Variants in FMNL2 observed in about 807,000 individuals in gnomAD.
The protein encoded by FMNL2 is formin-like protein 2.
FMNL2 carries 51 observed loss-of-function variants against 130.2 expected under a neutral mutation model. The observed-to-expected ratio is 0.39, with a 90% confidence interval of 0.31 to 0.49. The LOEUF is 0.49. FMNL2 is among the 20% of genes least tolerant of loss of function. FMNL2 has a pLI of 0.85. For synonymous variants in FMNL2, 465 were observed against 467.1 expected, an observed-to-expected ratio of 1.00 and a Z score of 0.06; for missense variants, 977 against 1,316.2, an observed-to-expected ratio of 0.74 and a Z score of 3.99.
chr2:152,497,708 A>G (rs1579813600), intron 1 of FMNL2, among the ~76,000 whole-genome samples: 1 of 152,334 alleles, frequency 6.6e-6, no homozygotes, highest in East Asian at 1.9e-4. Context: ...TTGCACAAAA[A>G]TTGCCACAAA....
At chr2:152,485,590 G>T (rs1011570720) in intron 1 of FMNL2, among the ~76,000 whole-genome samples, 1 of 152,020 alleles carries the variant, frequency 6.6e-6, no homozygotes, top group Non-Finnish European at 1.5e-5. Context: ...AACTGGTTTT[G>T]TGTGTGTGTG....
chr2:152,348,567 T>G (rs1682262958), intron 1 of FMNL2, among the ~76,000 whole-genome samples: 1 of 152,204 alleles, frequency 6.6e-6, no homozygotes, highest in Non-Finnish European at 1.5e-5. Context: ...GGTCATAGAT[T>G]CTTATTCATC....
intron 1 of FMNL2, among the ~76,000 whole-genome samples, chr2:152,419,173 A>G (rs1037127121): frequency 6.6e-6 from 1 of 152,040 alleles, no homozygotes; most frequent in African/African-American, 2.4e-5. Flanking sequence ...TTTATTATAT[A>G]TGGACAAATT....
intron 24 of FMNL2, 71 bp downstream of exon 24, chr2:152,640,127 C>A: frequency 7.4e-7 from 1 of 1,354,074 alleles, no homozygotes; most frequent in Non-Finnish European, 9.9e-7. Context: ...GCAAGCCATA[C>A]AAAGGACCAG....
At chr2:152,499,043 G>T (rs1251416250) in intron 1 of FMNL2, among the ~76,000 whole-genome samples, 7 of 152,194 alleles carry the variant, frequency 4.6e-5, no homozygotes, top group Admixed American at 4.6e-4. Flanking sequence ...TGAGTAGGAT[G>T]GGAGGGGTCA....
rs1255677138 is a variant in FMNL2, at chr2:152,335,636, G to T, written c.33G>T (p.Gln11His). Residue 11 changes from glutamine (Q) to histidine (H), a missense_variant, in exon 1 of 26, where the codon CAG becomes CAT. Gln to His is a conservative substitution (Grantham distance 24). Around this residue, in one of 4 missense-constraint regions of FMNL2, gnomAD observed 117 missense variants for 134.9 expected, o/e 0.87. Coordinates refer to ENST00000288670, the MANE Select transcript of FMNL2 (RefSeq NM_052905.4). Reference protein sequence around the residue: MGNAGSMDSQQTDFRAHNVPL... With the variant: MGNAGSMDSQHTDFRAHNVPL... ...ACGCAGGGAGCATGGATTCGCAGCA[G>T]ACCGATTTCAGGGCGCACAACGTGC... 1.3e-6 allele frequency: 2 copies of T among 1,593,588 alleles called. No individual in the cohort carries two copies. The highest frequency in any genetic ancestry group is 1.4e-5 in the African/African-American group (1 of 72,066).
At chr2:152,436,026 A>T (rs1687743998) in intron 1 of FMNL2, among the ~76,000 whole-genome samples, 2 of 142,952 alleles carry the variant, frequency 1.4e-5, no homozygotes, top group South Asian at 4.3e-4. Context: ...TGTTTATACC[A>T]CTAAAAGACG....
chr2:152,607,280 CTAATTTTGGAATGTTTATG>C, intron 9 of FMNL2, 40 bp from the exon 10 acceptor site: 2 of 1,385,620 alleles, frequency 1.4e-6, no homozygotes, highest in East Asian at 4.6e-5. Context: ...ATTTCTGCAT[CTAATTTTGGAATGTTTATG>C]TTTAGAAAGT....
chr2:152,387,383 A>G (rs1185708213), intron 1 of FMNL2, among the ~76,000 whole-genome samples: 1 of 152,210 alleles, frequency 6.6e-6, no homozygotes, highest in East Asian at 1.9e-4. Flanking sequence ...TGTTTGTTAG[A>G]TTTAATTGCC....
chr2:152,616,830 G>A (rs980665432), intron 12 of FMNL2, among the ~76,000 whole-genome samples: 2 of 152,164 alleles, frequency 1.3e-5, no homozygotes, highest in African/African-American at 4.8e-5. Context: ...CTGCAGAAAT[G>A]GAGGGAGGCA....
chr2:152,549,855 T>A (rs1381790510), intron 4 of FMNL2, among the ~76,000 whole-genome samples: 1 of 152,224 alleles, frequency 6.6e-6, no homozygotes, highest in South Asian at 2.1e-4. Flanking sequence ...CTGCGTAACA[T>A]TGGGCAAGCT....
intron 1 of FMNL2, among the ~76,000 whole-genome samples, chr2:152,354,592 A>G (rs2105788517): frequency 6.6e-6 from 1 of 152,298 alleles, no homozygotes; most frequent in South Asian, 2.1e-4. Flanking sequence ...TTATGAAACA[A>G]AGGCTAGTCC....
intron 1 of FMNL2, among the ~76,000 whole-genome samples, chr2:152,396,597 CCTCTGGA>C (rs1185564375): frequency 2.6e-5 from 4 of 152,190 alleles, no homozygotes; most frequent in African/African-American, 9.7e-5. Flanking sequence ...AACTTCCATG[CCTCTGGA>C]CATCTTTCAC....
intron 1 of FMNL2, among the ~76,000 whole-genome samples, chr2:152,347,443 A>T (rs1682190918): frequency 6.6e-6 from 1 of 152,082 alleles, no homozygotes; most frequent in African/African-American, 2.4e-5. Context: ...GATCACCTTA[A>T]TGGTATTTTT....
chr2:152,484,112 A>G (rs928089500), intron 1 of FMNL2, among the ~76,000 whole-genome samples: 1 of 152,156 alleles, frequency 6.6e-6, no homozygotes, highest in Non-Finnish European at 1.5e-5. Context: ...AATGGCCCTG[A>G]TCCCTTTGCA....
intron 2 of FMNL2, among the ~76,000 whole-genome samples, chr2:152,536,712 A>C (rs568378400): frequency 1.3e-5 from 2 of 152,314 alleles, no homozygotes; most frequent in South Asian, 2.1e-4. Context: ...ACGGGAGAGA[A>C]ACTCAACAGT....
intron 4 of FMNL2, 150 bp from the exon 5 acceptor site, chr2:152,558,590 C>T (rs1695353031): frequency 1.6e-6 from 1 of 636,000 alleles, no homozygotes; most frequent in African/African-American, 1.8e-5. Context: ...AAGCTCCTGC[C>T]TCATGTGAAG....
intron 1 of FMNL2, among the ~76,000 whole-genome samples, chr2:152,344,247 G>T (rs1681978981): frequency 6.6e-6 from 1 of 152,178 alleles, no homozygotes; most frequent in Admixed American, 6.5e-5. Context: ...CTGGGCATCA[G>T]GATTTTTAAA....
At chr2:152,390,486 A>G in intron 1 of FMNL2, 8 of 1,534,132 alleles carry the variant, frequency 5.2e-6, no homozygotes, top group Non-Finnish European at 7.2e-6. Flanking sequence ...GGACAATGAG[A>G]CTCGCAGCAT....
Sources: allele counts gnomAD v4.1 joint callset (sites outside exome capture counted in the v4.1 genomes callset), GRCh38; gene constraint gnomAD v4.1.1; regional missense constraint gnomAD v4.1.1; transcripts MANE v1.5; gene names NCBI Gene and HGNC (gene_info 2026-07-23, HGNC 2026-07-21).